Variants in CMSS1 observed in about 807,000 individuals in gnomAD.
CMSS1 encodes the protein cms1 ribosomal small subunit homolog, also known as protein CMSS1.
CMSS1 carries 33 observed loss-of-function variants against 43.5 expected under a neutral mutation model. The observed-to-expected ratio is 0.76, with a 90% CI of 0.57 to 1.01. The LOEUF is 1.01. Ranked by LOEUF, CMSS1 falls within the 50% of genes least tolerant of loss-of-function variation. The probability of loss-of-function intolerance (pLI) is 0.00; values close to 1 mark genes in which losing one functional copy is unlikely to be tolerated. For missense variants in CMSS1, 313 were observed against 326.4 expected, an observed-to-expected ratio of 0.96 and a Z score of 0.32; for synonymous variants, 115 against 117.2, an observed-to-expected ratio of 0.98 and a Z score of 0.12.
At chr3:100,169,710 A>G (rs1326354092) in intron 6 of CMSS1, among the ~76,000 whole-genome samples, 1 of 152,190 alleles carries the variant, frequency 6.6e-6, no homozygotes, top group Admixed American at 6.5e-5. Context: ...TCTAAACATA[A>G]TTATCTTGAA....
intron 1 of CMSS1, among the ~76,000 whole-genome samples, chr3:100,014,124 C>G (rs916087549): frequency 2.0e-5 from 3 of 151,292 alleles, no homozygotes; most frequent in Non-Finnish European, 2.9e-5. Context: ...CCTCCAGGTT[C>G]ATCCACATTG....
intron 2 of CMSS1, 47 bp downstream of exon 2, chr3:100,147,108 A>G: frequency 1.9e-6 from 3 of 1,607,098 alleles, no homozygotes; most frequent in Non-Finnish European, 2.6e-6. Context: ...TTCTGAAATC[A>G]GCCTTTTCCT....
chr3:100,021,954 T>TGA (rs1177315745), intron 1 of CMSS1, among the ~76,000 whole-genome samples: 5 of 114,346 alleles, frequency 4.4e-5, no homozygotes, highest in South Asian at 3.0e-4. Flanking sequence ...TGTGTGTGTG[T>TGA]GTGTGTGAGA....
At chr3:100,039,624 C>T (rs1248924946) in intron 1 of CMSS1, among the ~76,000 whole-genome samples, 3 of 152,142 alleles carry the variant, frequency 2.0e-5, no homozygotes, top group African/African-American at 7.2e-5. Flanking sequence ...AAAGCATTGT[C>T]CCTAGAGTTG....
intron 2 of CMSS1, among the ~76,000 whole-genome samples, chr3:100,160,134 A>G (rs761486282): frequency 6.6e-6 from 1 of 152,162 alleles, no homozygotes; most frequent in Non-Finnish European, 1.5e-5. Context: ...ACTGTCTTCA[A>G]TCTCCAATAC....
chr3:99,924,132 G>C (rs1707211785), intron 1 of CMSS1: 1 of 1,001,332 alleles, frequency 1.0e-6, no homozygotes, highest in Admixed American at 2.2e-5. Flanking sequence ...TTTGAGAACA[G>C]AGACTGTGTC....
intron 1 of CMSS1, among the ~76,000 whole-genome samples, chr3:99,877,409 G>A (rs1705571672): frequency 6.6e-6 from 1 of 152,088 alleles, no homozygotes; most frequent in Admixed American, 6.5e-5. Flanking sequence ...TAGTGGAAAT[G>A]GTGTGGAATA....
chr3:99,997,148 A>G (rs1709708202), intron 1 of CMSS1, among the ~76,000 whole-genome samples: 3 of 152,208 alleles, frequency 2.0e-5, no homozygotes, highest in Non-Finnish European at 4.4e-5. Flanking sequence ...GAAACAAGAA[A>G]AACCATACAA....
chr3:100,042,252 A>C (rs2065217243), intron 1 of CMSS1, among the ~76,000 whole-genome samples: 1 of 152,222 alleles, frequency 6.6e-6, no homozygotes, highest in Non-Finnish European at 1.5e-5. Context: ...AAACAAACAG[A>C]ATGATCCAGT....
chr3:100,143,218 T>G (rs2066818856), intron 1 of CMSS1, among the ~76,000 whole-genome samples: 1 of 152,192 alleles, frequency 6.6e-6, no homozygotes, highest in African/African-American at 2.4e-5. Context: ...TATCTGCAAA[T>G]GGAGGCAGTT....
At chr3:99,883,522 T>A (rs937507718) in intron 1 of CMSS1, among the ~76,000 whole-genome samples, 7 of 152,164 alleles carry the variant, frequency 4.6e-5, no homozygotes, top group African/African-American at 1.7e-4. Context: ...ATGTGTGTGT[T>A]GGCTGGGGGG....
At chr3:99,968,978 T>C (rs201110755) in intron 1 of CMSS1, among the ~76,000 whole-genome samples, 2 of 140,592 alleles carry the variant, frequency 1.4e-5, no homozygotes, top group East Asian at 4.2e-4. Flanking sequence ...GAAAAAAAAA[T>C]TCATTTGATA....
chr3:100,035,115 C>G (rs2065085017), intron 1 of CMSS1, among the ~76,000 whole-genome samples: 1 of 152,050 alleles, frequency 6.6e-6, no homozygotes, highest in Non-Finnish European at 1.5e-5. Flanking sequence ...AATTGTTATC[C>G]AAATTGTATG....
At chr3:100,156,290 AT>A (rs1315936475) in intron 2 of CMSS1, among the ~76,000 whole-genome samples, 2 of 94,698 alleles carry the variant, frequency 2.1e-5, no homozygotes, top group African/African-American at 8.2e-5. Flanking sequence ...ACACTAGCTA[AT>A]TTTTTTTCTT....
rs71907944 is a variant in CMSS1 at position 100,062,093 on chromosome 3, C to CTTTTTTTTTTTTTTTTTTTTTTT, written c.65-84866_65-84844dup. On this transcript the variant is annotated intron_variant, in intron 1 of 9. Coordinates refer to ENST00000421999, the MANE Select transcript of CMSS1 (RefSeq NM_032359.4). Reference sequence around the variant, plus strand: ...CCACTTGTGGTTATCCTGTCTTCTTCTTTTTTTTTTTTTTTTTTTTTTTTT... The same window carrying CTTTTTTTTTTTTTTTTTTTTTTT: ...CCACTTGTGGTTATCCTGTCTTCTTCTTTTTTTTTTTTTTTTTTTTTTTTTTTTTTTTTTTTTTTTTTTTTTTT... Among the ~76,000 whole-genome samples, 2 of 53,182 alleles carry CTTTTTTTTTTTTTTTTTTTTTTT rather than the reference C, an allele frequency of 3.8e-5. 1 individual carries two copies. The highest frequency in any genetic ancestry group is 1.8e-4 in the African/African-American group (2 of 11,244). The allele number at this position is 53,182 out of a possible 152,430, so 34.9% of individuals were successfully genotyped here.
At chr3:99,921,116 A>G (rs139583812) in intron 1 of CMSS1, among the ~76,000 whole-genome samples, 13 of 152,292 alleles carry the variant, frequency 8.5e-5, no homozygotes, top group Non-Finnish European at 1.6e-4. Flanking sequence ...TTGACCCTTC[A>G]GGATAAGTTA....
chr3:100,098,039 A>C (rs1178787253), intron 1 of CMSS1, among the ~76,000 whole-genome samples: 1 of 152,216 alleles, frequency 6.6e-6, no homozygotes, highest in Non-Finnish European at 1.5e-5. Flanking sequence ...TATTTGAAAA[A>C]TCTAGTAAAA....
chr3:100,160,541 G>C (rs371394646), intron 3 of CMSS1, 40 bp downstream of exon 3: 2 of 968,662 alleles, frequency 2.1e-6, no homozygotes, highest in South Asian at 2.8e-5. Flanking sequence ...GGCCCCACAT[G>C]GTTTCCATCA....
At position 100,076,970 on chromosome 3, in the gene CMSS1, C is replaced by T. The variant is rs138865479; in HGVS notation, c.65-70003C>T. Among the ~76,000 whole-genome samples the T allele has an allele frequency of 4.1e-3, 623 of 152,306 alleles. 4 individuals carry two copies. Among genetic ancestry groups the T allele is most frequent in the Non-Finnish European group, 6.5e-3 (441 of 68,016 alleles). On this transcript the variant is annotated intron_variant, in intron 1 of 9. Coordinates refer to ENST00000421999, the MANE Select transcript of CMSS1 (RefSeq NM_032359.4). ...AAGAGATGTCTCTTCCCAGAAGACC[C>T]TTTACTGTTCCACATAAGAAATCAA... is the stretch of plus-strand genomic sequence containing the variant.
Sources: allele counts gnomAD v4.1 joint callset (sites outside exome capture counted in the v4.1 genomes callset), GRCh38; gene constraint gnomAD v4.1.1; transcripts MANE v1.5; gene names NCBI Gene and HGNC (gene_info 2026-07-23, HGNC 2026-07-21).